Variants in LYRM4 observed in about 807,000 individuals in gnomAD.
LYRM4 encodes the protein LYR motif-containing protein 4.
In LYRM4, 9 loss-of-function variants were observed where a neutral mutation model predicts 11.7. That is an observed-to-expected ratio of 0.77 (90% CI 0.46 to 1.34). The LOEUF (loss-of-function observed/expected upper bound fraction) is 1.34. LYRM4 is among the 40% of genes most tolerant of loss of function. The pLI, the probability that LYRM4 is intolerant of heterozygous loss-of-function variation, is 0.00. For missense variants in LYRM4, 133 were observed against 112.5 expected (o/e 1.18, Z -0.82); for synonymous variants, 42 against 40.4 (o/e 1.04, Z -0.15).
At chr6:5,228,712 A>G (rs1049839572) in intron 1 of LYRM4, among the ~76,000 whole-genome samples, 4 of 151,752 alleles carry the variant, frequency 2.6e-5, no homozygotes, top group Admixed American at 2.6e-4. Context: ...AATTAAGAAT[A>G]TTTCCTGGCT....
At chr6:5,097,719 A>C in the LYRM4 span, among the ~76,000 whole-genome samples, 1 of 152,198 alleles carries the variant, frequency 6.6e-6, no homozygotes, top group Non-Finnish European at 1.5e-5. Flanking sequence ...ATCACCTCTT[A>C]AAGGCCCATT....
the LYRM4 span, among the ~76,000 whole-genome samples, chr6:5,063,634 T>C: frequency 6.6e-6 from 1 of 150,790 alleles, no homozygotes; most frequent in Admixed American, 6.6e-5. Flanking sequence ...CCTGGAGTGA[T>C]GTTTGTTCAG....
chr6:5,112,563 G>A (rs770665050), intron 2 of LYRM4, among the ~76,000 whole-genome samples: 1 of 152,376 alleles, frequency 6.6e-6, no homozygotes, highest in East Asian at 1.9e-4. Flanking sequence ...CTGCAGACAA[G>A]CAGTGAGCAC....
intron 1 of LYRM4, chr6:5,218,368 G>A (rs78365429): frequency 1.9e-5 from 19 of 984,972 alleles, no homozygotes; most frequent in East Asian, 2.3e-4. Context: ...CAGCGCGGAG[G>A]GGGTGTTGGG....
chr6:5,092,664 G>A, the LYRM4 span, among the ~76,000 whole-genome samples: 7 of 152,156 alleles, frequency 4.6e-5, no homozygotes, highest in African/African-American at 1.7e-4. Context: ...GTTGCAGTGA[G>A]CCGAGATCGT....
At chr6:5,049,441 A>G in the LYRM4 span, among the ~76,000 whole-genome samples, 1 of 152,174 alleles carries the variant, frequency 6.6e-6, no homozygotes, top group Non-Finnish European at 1.5e-5. Context: ...TGCCACCCCC[A>G]GGAAACCATG....
At chr6:5,127,996 A>G (rs1473276054) in intron 2 of LYRM4, among the ~76,000 whole-genome samples, 1 of 152,190 alleles carries the variant, frequency 6.6e-6, no homozygotes, top group African/African-American at 2.4e-5. Context: ...ATTTCCTCCA[A>G]TGGAGACATC....
At chr6:5,035,256 C>A in the LYRM4 span, among the ~76,000 whole-genome samples, 1 of 152,008 alleles carries the variant, frequency 6.6e-6, no homozygotes, top group Non-Finnish European at 1.5e-5. Flanking sequence ...CTGGGGGGTC[C>A]AGTCCCATTG....
intron 2 of LYRM4, among the ~76,000 whole-genome samples, chr6:5,164,042 T>G (rs753782473): frequency 1.4e-4 from 22 of 152,166 alleles, no homozygotes; most frequent in Non-Finnish European, 3.1e-4. Context: ...AAATTCAAAT[T>G]AAAACCACCA....
chr6:5,140,700 A>G lies in LYRM4; in HGVS notation c.208-31209T>C, dbSNP rs186251224. On this transcript the variant is annotated intron_variant, in intron 2 of 2. Coordinates refer to ENST00000330636, the MANE Select transcript of LYRM4 (RefSeq NM_020408.6). ...AGGCTTATCATTTCCTAGATTCTTA[A>G]CCATTCAACAAAAGCATGTTAAAAA... 3.7e-4 allele frequency among the ~76,000 whole-genome samples: 57 copies of G among 152,326 alleles called. 1 individual carries two copies. Among genetic ancestry groups the G allele is most frequent in the Admixed American group, 3.4e-3 (52 of 15,300 alleles).
the LYRM4 span, among the ~76,000 whole-genome samples, chr6:5,081,664 GA>G: frequency 1.3e-5 from 2 of 152,202 alleles, no homozygotes; most frequent in Non-Finnish European, 2.9e-5. Flanking sequence ...TCCTGAAATA[GA>G]AAGGCTAAAA....
At chr6:5,175,582 C>G (rs1414308701) in intron 2 of LYRM4, among the ~76,000 whole-genome samples, 1 of 152,114 alleles carries the variant, frequency 6.6e-6, no homozygotes, top group Non-Finnish European at 1.5e-5. Flanking sequence ...CAGTGGAATA[C>G]TAAGGAGAGG....
At chr6:5,063,698 A>G in the LYRM4 span, among the ~76,000 whole-genome samples, 1 of 152,106 alleles carries the variant, frequency 6.6e-6, no homozygotes, top group Non-Finnish European at 1.5e-5. Context: ...AACAGATCAC[A>G]TGTGGGTGCC....
At chr6:5,120,208 T>G (rs1763368522) in intron 2 of LYRM4, among the ~76,000 whole-genome samples, 1 of 152,176 alleles carries the variant, frequency 6.6e-6, no homozygotes, top group Non-Finnish European at 1.5e-5. Flanking sequence ...AATGAAATTA[T>G]TTGAATGGAT....
intron 2 of LYRM4, among the ~76,000 whole-genome samples, chr6:5,215,109 G>A (rs1010589142): frequency 2.6e-5 from 4 of 151,886 alleles, no homozygotes; most frequent in Admixed American, 6.6e-5. Context: ...TAGATATAGC[G>A]GGAGAAATGA....
chr6:5,195,268 C>A (rs116144043), intron 2 of LYRM4, among the ~76,000 whole-genome samples: 21 of 152,060 alleles, frequency 1.4e-4, no homozygotes, highest in African/African-American at 5.1e-4. Flanking sequence ...TCATTGGTTG[C>A]ATTTAATTAA....
chr6:5,257,499 T>G (rs550896946), intron 1 of LYRM4, among the ~76,000 whole-genome samples: 6 of 152,330 alleles, frequency 3.9e-5, no homozygotes, highest in African/African-American at 1.4e-4. Context: ...AATCTCATCT[T>G]TCTCTCTCCA....
intron 1 of LYRM4, among the ~76,000 whole-genome samples, chr6:5,221,625 G>C (rs1308659946): frequency 6.6e-6 from 1 of 152,222 alleles, no homozygotes; most frequent in African/African-American, 2.4e-5. Context: ...CCCGGAGGCG[G>C]AAGTTGCAGT....
the LYRM4 span, among the ~76,000 whole-genome samples, chr6:5,094,834 G>C: frequency 6.6e-6 from 1 of 152,290 alleles, no homozygotes; most frequent in East Asian, 1.9e-4. Context: ...AAAAGGGATC[G>C]CTGAAGGGGA....
Sources: gnomAD v4.1 joint callset for allele counts (sites outside exome capture counted in the v4.1 genomes callset) on GRCh38, gnomAD v4.1.1 for gene constraint, MANE v1.5 for transcripts, NCBI Gene and HGNC (gene_info 2026-07-23, HGNC 2026-07-21) for gene names.